The following CPQ variants were observed in gnomAD, a reference collection of about 807,000 sequenced individuals.
The protein encoded by CPQ is carboxypeptidase Q, also known as Ser-Met dipeptidase.
CPQ carries 37 observed loss-of-function variants against 45.7 expected under a neutral mutation model. That is an observed-to-expected ratio of 0.81 (90% CI 0.62 to 1.07). The LOEUF is 1.07. Ranked by LOEUF, CPQ falls within the 50% of genes least tolerant of loss-of-function variation. CPQ has a pLI of 0.00. For missense variants in CPQ, 537 were observed against 572.9 expected (o/e 0.94, Z 0.64); for synonymous variants, 186 against 205.8 (o/e 0.90, Z 0.82).
intron 3 of CPQ, among the ~76,000 whole-genome samples, chr8:96,850,314 G>C (rs530017245): frequency 6.6e-6 from 1 of 152,116 alleles, no homozygotes; most frequent in African/African-American, 2.4e-5. Flanking sequence ...TTAGCTGCCT[G>C]GCCTTCCTCT....
intron 5 of CPQ, among the ~76,000 whole-genome samples, chr8:97,021,410 A>T (rs1290860676): frequency 5.3e-5 from 8 of 152,058 alleles, no homozygotes; most frequent in Admixed American, 5.2e-4. Context: ...GGGCATCCAA[A>T]TTGGGACTCC....
chr8:97,098,784 G>A (rs903681465), intron 7 of CPQ, among the ~76,000 whole-genome samples: 3 of 151,950 alleles, frequency 2.0e-5, no homozygotes, highest in Admixed American at 2.0e-4. Context: ...CCCCTTCACA[G>A]GGGAATTTAT....
intron 4 of CPQ, among the ~76,000 whole-genome samples, chr8:96,891,956 A>T (rs1274539024): frequency 6.6e-6 from 1 of 152,158 alleles, no homozygotes; most frequent in Non-Finnish European, 1.5e-5. Flanking sequence ...GATTATAAGG[A>T]TGGGGTTGGG....
intron 1 of CPQ, among the ~76,000 whole-genome samples, chr8:96,776,966 A>G (rs1444128478): frequency 1.3e-5 from 2 of 152,190 alleles, no homozygotes; most frequent in Non-Finnish European, 2.9e-5. Flanking sequence ...AATAACTTCA[A>G]CCTTTTGTTT....
chr8:97,031,554 A>T (rs1271962754), intron 6 of CPQ, among the ~76,000 whole-genome samples: 1 of 152,196 alleles, frequency 6.6e-6, no homozygotes, highest in Non-Finnish European at 1.5e-5. Flanking sequence ...CTGGCTAAAA[A>T]TTTTATCATC....
chr8:96,879,877 A>G lies in CPQ; in HGVS notation c.721A>G (p.Met241Val), dbSNP rs775566173. The change falls in exon 4 of 8, where the codon ATG (methionine) becomes GTG (valine). Residue 241 changes from methionine (M) to valine (V), a missense_variant. Met to Val is a conservative substitution (Grantham distance 21). Coordinates refer to ENST00000220763, the MANE Select transcript of CPQ (RefSeq NM_016134.4). ...TACITVEDAE[M>V]MSRMASHGIK... ...CTGTATTACGGTGGAAGATGCAGAA[A>G]TGATGTCAAGAATGGCTTCTCATGG... is the stretch of plus-strand genomic sequence containing the variant. The G allele has an allele frequency of 2.5e-6, 4 of 1,614,106 alleles. No individual in the cohort carries two copies. Among genetic ancestry groups the G allele is most frequent in the East Asian group, 2.2e-5 (1 of 44,864 alleles).
intron 1 of CPQ, among the ~76,000 whole-genome samples, chr8:96,688,688 G>A (rs1442623313): frequency 6.6e-6 from 1 of 151,996 alleles, no homozygotes; most frequent in African/African-American, 2.4e-5. Flanking sequence ...ATTTCTTCAT[G>A]TATGCCTCTT....
intron 4 of CPQ, among the ~76,000 whole-genome samples, chr8:96,894,178 A>C (rs1443890280): frequency 6.6e-6 from 1 of 152,172 alleles, no homozygotes; most frequent in East Asian, 1.9e-4. Flanking sequence ...GCTTCAGATG[A>C]CTTCAACCCT....
At chr8:96,741,343 C>T (rs565358102) in intron 1 of CPQ, among the ~76,000 whole-genome samples, 18 of 152,066 alleles carry the variant, frequency 1.2e-4, no homozygotes, top group African/African-American at 2.9e-4. Flanking sequence ...TTTTTTATTG[C>T]GTCTGTTTGA....
At chr8:97,096,989 G>T (rs1811220296) in intron 7 of CPQ, among the ~76,000 whole-genome samples, 1 of 152,178 alleles carries the variant, frequency 6.6e-6, no homozygotes, top group Admixed American at 6.6e-5. Context: ...GGAGAGAATT[G>T]AGCTATACTG....
At chr8:96,905,064 T>C (rs912369295) in intron 4 of CPQ, among the ~76,000 whole-genome samples, 2 of 152,132 alleles carry the variant, frequency 1.3e-5, no homozygotes, top group Non-Finnish European at 2.9e-5. Flanking sequence ...AGAAGTTTAA[T>C]GGACTCTTAG....
At chr8:96,999,263 G>A (rs1329099807) in intron 5 of CPQ, among the ~76,000 whole-genome samples, 1 of 149,858 alleles carries the variant, frequency 6.7e-6, no homozygotes. Context: ...TTTAAGGTCA[G>A]TGGTACAGGT....
intron 1 of CPQ, among the ~76,000 whole-genome samples, chr8:96,650,315 G>A (rs1025901089): frequency 1.3e-5 from 2 of 152,198 alleles, no homozygotes; most frequent in Non-Finnish European, 2.9e-5. Flanking sequence ...ATGACAAACA[G>A]GTGTTAAAGA....
chr8:96,787,093 G>T (rs961970211), intron 2 of CPQ, among the ~76,000 whole-genome samples: 1 of 151,606 alleles, frequency 6.6e-6, no homozygotes, highest in Non-Finnish European at 1.5e-5. Flanking sequence ...TCAAACCATT[G>T]CCTACACCAT....
intron 6 of CPQ, among the ~76,000 whole-genome samples, chr8:97,032,951 A>G (rs569774426): frequency 6.6e-6 from 1 of 152,344 alleles, no homozygotes; most frequent in East Asian, 1.9e-4. Context: ...GTAAATGGAA[A>G]GGATTTAGAA....
At chr8:97,100,856 T>C (rs2513411) in intron 7 of CPQ, among the ~76,000 whole-genome samples, 84,807 of 151,932 alleles carry the variant, frequency 0.56, 24,643 homozygotes, top group Non-Finnish European at 0.65. Flanking sequence ...TAGTGATTGA[T>C]TGTTTATTGG....
At chr8:96,791,981 G>T (rs762597204) in intron 2 of CPQ, among the ~76,000 whole-genome samples, 1 of 152,180 alleles carries the variant, frequency 6.6e-6, no homozygotes, top group Non-Finnish European at 1.5e-5. Context: ...GCTGGATTCT[G>T]CCAACTATAT....
intron 5 of CPQ, among the ~76,000 whole-genome samples, chr8:96,970,720 C>T (rs531254609): frequency 9.9e-5 from 15 of 152,102 alleles, no homozygotes; most frequent in Non-Finnish European, 1.9e-4. Flanking sequence ...CCCGCTACCA[C>T]GCCCGGCTAA....
intron 5 of CPQ, among the ~76,000 whole-genome samples, chr8:96,985,750 A>G (rs752108515): frequency 2.1e-4 from 32 of 152,232 alleles, no homozygotes; most frequent in Non-Finnish European, 3.7e-4. Flanking sequence ...AAAACAACAT[A>G]TAAATTTGTT....
Sources: allele counts gnomAD v4.1 joint callset (sites outside exome capture counted in the v4.1 genomes callset), GRCh38; gene constraint gnomAD v4.1.1; transcripts MANE v1.5; gene names NCBI Gene and HGNC (gene_info 2026-07-23, HGNC 2026-07-21).